Variants in GCSAML observed in about 807,000 individuals in gnomAD.
GCSAML encodes the protein germinal center associated signaling and motility like.
GCSAML carries 9 observed loss-of-function variants against 13.0 expected under a neutral mutation model. The ratio of observed to expected loss-of-function variants is 0.69; its 90% confidence interval spans 0.42 to 1.21. The LOEUF (loss-of-function observed/expected upper bound fraction) is 1.21, where lower values mean the gene tolerates loss of function less well. GCSAML is among the 50% of genes most tolerant of loss of function. GCSAML has a pLI of 0.00. For missense variants in GCSAML, 143 were observed against 153.4 expected (o/e 0.93, Z 0.36); for synonymous variants, 37 against 52.9 (o/e 0.70, Z 1.31).
chr1:247,538,180 T>C (rs1369625952), intron 2 of GCSAML, among the ~76,000 whole-genome samples: 1 of 152,204 alleles, frequency 6.6e-6, no homozygotes, highest in Admixed American at 6.5e-5. Flanking sequence ...TGCTGTAAGG[T>C]AGGGTCCAAC....
At chr1:247,519,865 A>C (rs1447796489) in intron 1 of GCSAML, among the ~76,000 whole-genome samples, 4 of 152,202 alleles carry the variant, frequency 2.6e-5, no homozygotes, top group African/African-American at 9.7e-5. Context: ...ATGGACTCAA[A>C]GAGTTTGTAG....
At chr1:247,510,895 C>T (rs983565979) in intron 1 of GCSAML, among the ~76,000 whole-genome samples, 2 of 152,168 alleles carry the variant, frequency 1.3e-5, no homozygotes, top group African/African-American at 4.8e-5. Flanking sequence ...TTTGCATTTG[C>T]TGAGGAGTGT....
At chr1:247,534,564 G>A (rs1201668516) in intron 2 of GCSAML, among the ~76,000 whole-genome samples, 1 of 152,232 alleles carries the variant, frequency 6.6e-6, no homozygotes, top group South Asian at 2.1e-4. Context: ...GACAATTTCA[G>A]TGTGCTTCCG....
intron 4 of GCSAML, among the ~76,000 whole-genome samples, chr1:247,566,325 C>G (rs969212406): frequency 6.6e-6 from 1 of 152,118 alleles, no homozygotes; most frequent in Admixed American, 6.5e-5. Flanking sequence ...TCACTGCAAC[C>G]TCCACCTCCT....
chr1:247,550,567 G>T (rs1667738151), intron 1 of GCSAML, among the ~76,000 whole-genome samples: 2 of 152,076 alleles, frequency 1.3e-5, no homozygotes, highest in Non-Finnish European at 2.9e-5. Context: ...AACCCGGGAG[G>T]CGGAGCTTGC....
intron 1 of GCSAML, among the ~76,000 whole-genome samples, chr1:247,521,170 A>G (rs1204393841): frequency 2.0e-5 from 3 of 147,954 alleles, no homozygotes; most frequent in African/African-American, 7.6e-5. Flanking sequence ...CTAACCATCC[A>G]CCCAACTAGG....
intron 2 of GCSAML, chr1:247,532,101 C>G: frequency 6.2e-7 from 1 of 1,614,052 alleles, no homozygotes; most frequent in Non-Finnish European, 8.5e-7. Flanking sequence ...GCTGTGGATG[C>G]ATAATGACAG....
chr1:247,565,904 C>CTTTTTTTTT (rs367904043), intron 3 of GCSAML, 27 bp from the exon 4 acceptor site: 53 of 1,368,926 alleles, frequency 3.9e-5, no homozygotes, highest in East Asian at 7.6e-5. Flanking sequence ...TCCTTTCTTT[C>CTTTTTTTTT]TTTTTTTTTT....
At chr1:247,523,726 T>C (rs551493654) in intron 1 of GCSAML, among the ~76,000 whole-genome samples, 1 of 152,314 alleles carries the variant, frequency 6.6e-6, no homozygotes, top group South Asian at 2.1e-4. Flanking sequence ...ATGAAAAGTC[T>C]AAATTAGAAA....
chr1:247,574,207 A>G lies in GCSAML; in HGVS notation c.233A>G (p.Gln78Arg). 1 of 1,613,934 alleles carries G rather than the reference A, an allele frequency of 6.2e-7. No homozygotes were observed. The highest frequency in any genetic ancestry group is 8.5e-7 in the Non-Finnish European group (1 of 1,179,816). The change falls in exon 5 of 5, where the codon CAG (glutamine) becomes CGG (arginine). Residue 78 changes from glutamine to arginine, a missense_variant. By Grantham distance (43) the Gln-to-Arg change is conservative. Coordinates refer to ENST00000366488, the MANE Select transcript of GCSAML (RefSeq NM_145278.5). The part of the protein sequence containing the change: ...CYTVINHIPH[Q>R]RSSLSSNDDG... The stretch of plus-strand genomic sequence containing the variant: ...ACTGTCATTAATCACATCCCCCATC[A>G]GAGATCCTCCCTGAGCTCCAATGAT...
At position 247,507,593 on chromosome 1, in the gene GCSAML, T is replaced by G. The variant is rs140962018; in HGVS notation, c.-263+360T>G. Among the ~76,000 whole-genome samples the G allele has an allele frequency of 2.6e-5, 4 of 152,282 alleles. No individual in the cohort carries two copies. In the South Asian group the frequency reaches 8.3e-4, roughly 32 times the overall value. ...AAAGTGCAGGTTTGTTAAGCATGTA[T>G]ACACGTGCCATGGTGGTTTGCTGCA... On this transcript the variant is annotated intron_variant, in intron 1 of 5. Transcript: ENST00000366489.
chr1:247,513,573 G>C (rs1222389731), intron 1 of GCSAML, among the ~76,000 whole-genome samples: 1 of 152,224 alleles, frequency 6.6e-6, no homozygotes, highest in Non-Finnish European at 1.5e-5. Context: ...GACTCCTGCA[G>C]CTAGCTCAGT....
intron 1 of GCSAML, among the ~76,000 whole-genome samples, chr1:247,522,271 C>CCCGCCGCCCCG: frequency 9.0e-6 from 1 of 111,206 alleles, no homozygotes; most frequent in Non-Finnish European, 2.0e-5. Context: ...CCCCACCCGG[C>CCCGCCGCCCCG]TAGCCGCCCT....
At chr1:247,516,372 A>T (rs1278417485) in intron 1 of GCSAML, among the ~76,000 whole-genome samples, 2 of 152,234 alleles carry the variant, frequency 1.3e-5, no homozygotes, top group Admixed American at 1.3e-4. Context: ...TGAGTACTGA[A>T]CAACTTGAGT....
intron 2 of GCSAML, chr1:247,531,543 G>A: frequency 3.1e-6 from 5 of 1,612,066 alleles, no homozygotes; most frequent in Non-Finnish European, 4.2e-6. Flanking sequence ...GAAGGCACTG[G>A]AGTCTCTAAA....
In GCSAML at chr1:247,550,510, A is replaced by G. The variant is rs139544709; in HGVS notation, c.29+1290A>G. 4.6e-3 allele frequency among the ~76,000 whole-genome samples: 698 copies of G among 152,146 alleles called. 4 individuals carry two copies. The highest frequency in any genetic ancestry group is 9.0e-3 in the African/African-American group (374 of 41,528). On this transcript the variant is annotated intron_variant, in intron 1 of 4. Transcript: ENST00000366488. The stretch of plus-strand genomic sequence containing the variant: ...CAATTAGCCGGGCGTGGTGGTGGGC[A>G]CCTGTAATCCCAGCTACTCGGCAGG...
At chr1:247,531,488 C>T in intron 2 of GCSAML, 1 of 1,544,438 alleles carries the variant, frequency 6.5e-7, no homozygotes, top group South Asian at 1.2e-5. Flanking sequence ...AGTGCCCTGT[C>T]TTCCAAGGTC....
chr1:247,516,478 A>T (rs1258180819), intron 1 of GCSAML, among the ~76,000 whole-genome samples: 1 of 152,018 alleles, frequency 6.6e-6, no homozygotes, highest in Non-Finnish European at 1.5e-5. Flanking sequence ...AGATCTGCAG[A>T]TACAACATGC....
chr1:247,510,665 T>C (rs1223916196), intron 1 of GCSAML, among the ~76,000 whole-genome samples: 6 of 152,028 alleles, frequency 3.9e-5, no homozygotes, highest in Non-Finnish European at 8.8e-5. Context: ...CTAAACACTA[T>C]CTTAGTTGTG....
Sources: allele counts gnomAD v4.1 joint callset (sites outside exome capture counted in the v4.1 genomes callset), GRCh38; gene constraint gnomAD v4.1.1; transcripts MANE v1.5; gene names NCBI Gene and HGNC (gene_info 2026-07-23, HGNC 2026-07-21).